Variants in DISC1 observed in about 807,000 individuals in gnomAD.
DISC1 encodes DISC1 scaffold protein.
A neutral mutation model predicts 84.5 loss-of-function variants in DISC1; 57 were observed. The observed-to-expected ratio is 0.67, with a 90% confidence interval of 0.55 to 0.84. The LOEUF is 0.84. Among genes scored for constraint, DISC1 ranks in the 40% least tolerant of loss-of-function variants. DISC1 has a pLI of 0.00. For missense variants in DISC1, 1,000 were observed against 1,057.8 expected (o/e 0.95, Z 0.76); for synonymous variants, 411 against 415.2 (o/e 0.99, Z 0.12).
intron 9 of DISC1, among the ~76,000 whole-genome samples, chr1:231,928,476 TC>T (rs1401372820): frequency 6.6e-6 from 1 of 152,238 alleles, no homozygotes; most frequent in Non-Finnish European, 1.5e-5. Context: ...TAGCGGTCTA[TC>T]TATTTTGTTA....
At chr1:231,822,321 G>T (rs189392216) in intron 9 of DISC1, among the ~76,000 whole-genome samples, 1 of 152,302 alleles carries the variant, frequency 6.6e-6, no homozygotes, top group East Asian at 1.9e-4. Context: ...AGGAATCTGT[G>T]TAGGGTGATC....
At chr1:231,640,889 C>G (rs1054558490) in intron 1 of DISC1, among the ~76,000 whole-genome samples, 2 of 152,124 alleles carry the variant, frequency 1.3e-5, no homozygotes, top group African/African-American at 2.4e-5. Flanking sequence ...GGTTGACTTA[C>G]ACTCTTTGGA....
chr1:231,984,748 G>A (rs1664155906), intron 10 of DISC1, among the ~76,000 whole-genome samples: 1 of 152,140 alleles, frequency 6.6e-6, no homozygotes, highest in African/African-American at 2.4e-5. Flanking sequence ...GCCCAAGGGG[G>A]AAGTCAAGGG....
chr1:231,772,720 C>G (rs1013594323), intron 6 of DISC1, among the ~76,000 whole-genome samples: 1 of 152,200 alleles, frequency 6.6e-6, no homozygotes, highest in Non-Finnish European at 1.5e-5. Context: ...AACTACCCGT[C>G]CAAATATATC....
intron 3 of DISC1, among the ~76,000 whole-genome samples, chr1:231,735,799 C>A (rs1201222003): frequency 6.6e-6 from 1 of 152,104 alleles, no homozygotes; most frequent in Non-Finnish European, 1.5e-5. Flanking sequence ...CAAACTGTAA[C>A]ACTCATTCAT....
intron 9 of DISC1, among the ~76,000 whole-genome samples, chr1:231,822,238 A>G (rs757409675): frequency 2.6e-5 from 4 of 152,206 alleles, no homozygotes; most frequent in African/African-American, 4.8e-5. Context: ...ACCTTATGCC[A>G]GCTGCCTGAG....
intron 12 of DISC1, among the ~76,000 whole-genome samples, chr1:232,032,637 G>A (rs1373311946): frequency 1.3e-5 from 2 of 152,126 alleles, no homozygotes; most frequent in Admixed American, 6.5e-5. Flanking sequence ...TATCTGTTAT[G>A]GGGGGCAGAT....
chr1:231,716,316 CAA>C (rs397861600), intron 3 of DISC1, among the ~76,000 whole-genome samples: 18,072 of 82,318 alleles, frequency 0.22, 675 homozygotes, highest in East Asian at 0.35. Context: ...TTTCAATCTG[CAA>C]AAAAAAAAAA....
At chr1:231,927,124 C>T (rs966253084) in intron 9 of DISC1, among the ~76,000 whole-genome samples, 16 of 152,190 alleles carry the variant, frequency 1.1e-4, no homozygotes, top group African/African-American at 3.9e-4. Flanking sequence ...TGCTCTCCAA[C>T]TAGAAAGGCG....
intron 9 of DISC1, among the ~76,000 whole-genome samples, chr1:231,916,212 C>G (rs906036523): frequency 2.0e-5 from 3 of 152,164 alleles, no homozygotes; most frequent in African/African-American, 7.2e-5. Flanking sequence ...TTCTTAGAGG[C>G]ATTCTTACTT....
At chr1:231,890,606 G>A (rs756385238) in intron 9 of DISC1, among the ~76,000 whole-genome samples, 1 of 152,220 alleles carries the variant, frequency 6.6e-6, no homozygotes, top group Admixed American at 6.5e-5. Flanking sequence ...AGTGTAATAG[G>A]TGCTGGGTTT....
chr1:231,671,297 T>A (rs1179130869), intron 1 of DISC1, among the ~76,000 whole-genome samples: 1 of 145,008 alleles, frequency 6.9e-6, no homozygotes, highest in East Asian at 1.9e-4. Flanking sequence ...CTTTTCATTA[T>A]TTTTTTTTTA....
intron 8 of DISC1, among the ~76,000 whole-genome samples, chr1:231,801,285 AAAAG>A (rs2079228072): frequency 6.7e-6 from 1 of 149,968 alleles, no homozygotes; most frequent in South Asian, 2.1e-4. Flanking sequence ...GAGAGAAAAA[AAAAG>A]AAGATTGAAC....
rs1362832704 is a variant in DISC1 at position 231,669,933 on chromosome 1, G to A, written c.68-23893G>A. On this transcript the variant is annotated intron_variant, in intron 1 of 12. Coordinates refer to ENST00000439617, the MANE Select transcript of DISC1 (RefSeq NM_018662.3). Reference sequence around the variant, plus strand: ...AGACACATGCATGTGTATGTTCACTGCAGCACTAGTCACAACAGCAAAGAT... The same window carrying A: ...AGACACATGCATGTGTATGTTCACTACAGCACTAGTCACAACAGCAAAGAT... 2.0e-5 allele frequency among the ~76,000 whole-genome samples: 3 copies of A among 152,222 alleles called. No individual in the cohort carries two copies. In the East Asian group the frequency reaches 5.8e-4, roughly 29 times the overall value.
At chr1:231,786,088 CAT>C (rs1465060916) in intron 6 of DISC1, among the ~76,000 whole-genome samples, 3 of 152,042 alleles carry the variant, frequency 2.0e-5, no homozygotes, top group East Asian at 3.8e-4. Context: ...TGAAAAACAA[CAT>C]GTGTCTCCTG....
At chr1:231,993,167 G>A (rs1459271827) in intron 10 of DISC1, among the ~76,000 whole-genome samples, 20 of 152,056 alleles carry the variant, frequency 1.3e-4, no homozygotes, top group Non-Finnish European at 1.5e-5. Context: ...TAGAGAAAGG[G>A]CATAAGAAGT....
Position 231,750,074 on chromosome 1 carries a change from G to A in DISC1, c.1266G>A (p.Gln422=), listed in dbSNP as rs906264117. 4.3e-6 allele frequency: 7 copies of A among 1,613,484 alleles called. No individual in the cohort carries two copies. Among genetic ancestry groups the A allele is most frequent in the African/African-American group, 1.3e-5 (1 of 74,898 alleles). The change falls in exon 4 of 13, where the codon CAG becomes CAA. Residue 422 remains glutamine, a splice_region_variant and synonymous_variant. Transcript: ENST00000439617. ...VQAALRRGAT[Q]QASGDDTHTP... is the part of the protein sequence containing the mutation. ...CTGCCTTGCGCCGTGGGGCCACTCA[G>A]CAGTGAGTACTTGTTATTGTCACCA...
chr1:231,731,582 C>T (rs898132952), intron 3 of DISC1, among the ~76,000 whole-genome samples: 1 of 152,144 alleles, frequency 6.6e-6, no homozygotes, highest in Non-Finnish European at 1.5e-5. Flanking sequence ...CCTCCTACCT[C>T]TGTATCACTC....
At chr1:231,806,409 C>A (rs1242144575) in intron 8 of DISC1, among the ~76,000 whole-genome samples, 1 of 152,190 alleles carries the variant, frequency 6.6e-6, no homozygotes, top group African/African-American at 2.4e-5. Flanking sequence ...GGGGTGGATT[C>A]GTTTTTTTGT....
Sources: allele counts gnomAD v4.1 joint callset (sites outside exome capture counted in the v4.1 genomes callset), GRCh38; gene constraint gnomAD v4.1.1; transcripts MANE v1.5; gene names NCBI Gene and HGNC (gene_info 2026-07-23, HGNC 2026-07-21).